Variants in EFNA5 observed in about 807,000 individuals in gnomAD.
The protein encoded by EFNA5 is ephrin-A5.
In EFNA5, 5 loss-of-function variants were observed where a neutral mutation model predicts 22.9. The ratio of observed to expected loss-of-function variants is 0.22; its 90% confidence interval spans 0.11 to 0.46. The LOEUF (loss-of-function observed/expected upper bound fraction) is 0.46. Ranked by LOEUF, EFNA5 falls within the 20% of genes least tolerant of loss-of-function variation. The probability of loss-of-function intolerance (pLI) is 0.99; values close to 1 mark genes in which losing one functional copy is unlikely to be tolerated. For missense variants in EFNA5, 237 were observed against 293.3 expected (o/e 0.81, Z 1.40); for synonymous variants, 113 against 112.2 (o/e 1.01, Z -0.04).
chr5:107,541,914 G>A (rs913868677), intron 1 of EFNA5, among the ~76,000 whole-genome samples: 3 of 152,082 alleles, frequency 2.0e-5, no homozygotes, highest in African/African-American at 7.2e-5. Context: ...GTAAATGTTT[G>A]GCAAACAGAC....
intron 1 of EFNA5, among the ~76,000 whole-genome samples, chr5:107,479,879 C>A (rs1750410561): frequency 6.6e-6 from 1 of 152,028 alleles, no homozygotes; most frequent in Non-Finnish European, 1.5e-5. Flanking sequence ...GCTACACTAT[C>A]TTAAAGTAAT....
intron 1 of EFNA5, among the ~76,000 whole-genome samples, chr5:107,442,180 CT>C (rs772932341): frequency 7.0e-6 from 1 of 141,906 alleles, no homozygotes; most frequent in African/African-American, 2.6e-5. Flanking sequence ...AAGAGATGGC[CT>C]TTTTTTTTCC....
chr5:107,587,388 G>A (rs1749211683), intron 1 of EFNA5, among the ~76,000 whole-genome samples: 1 of 152,104 alleles, frequency 6.6e-6, no homozygotes. Flanking sequence ...GAGGAAAAGT[G>A]GCAAGAAATA....
intron 2 of EFNA5, among the ~76,000 whole-genome samples, chr5:107,394,120 G>T (rs181498358): frequency 6.6e-6 from 1 of 152,312 alleles, no homozygotes; most frequent in African/African-American, 2.4e-5. Flanking sequence ...GTGTTATGAT[G>T]AAATACATCT....
chr5:107,533,324 T>C (rs79920271), intron 1 of EFNA5, among the ~76,000 whole-genome samples: 3 of 152,098 alleles, frequency 2.0e-5, no homozygotes, highest in South Asian at 2.1e-4. Flanking sequence ...AATTAAAACA[T>C]GTAATGAGCA....
chr5:107,621,533 T>G (rs547749601), intron 1 of EFNA5, among the ~76,000 whole-genome samples: 1 of 152,190 alleles, frequency 6.6e-6, no homozygotes, highest in Non-Finnish European at 1.5e-5. Flanking sequence ...AGGGAAGCCA[T>G]GGAACACAAA....
intron 1 of EFNA5, among the ~76,000 whole-genome samples, chr5:107,503,942 G>A (rs1451401831): frequency 6.6e-6 from 1 of 152,116 alleles, no homozygotes; most frequent in Admixed American, 6.5e-5. Flanking sequence ...ATTACAGCAT[G>A]CATTGAATTA....
Position 107,556,136 on chromosome 5 carries a change from C to T in EFNA5, c.125+114353G>A, listed in dbSNP as rs569582952. Among the ~76,000 whole-genome samples the T allele has an allele frequency of 8.5e-5, 13 of 152,280 alleles. No individual in the cohort carries two copies. The South Asian group carries it at 2.7e-3, about 32-fold the overall frequency. On this transcript the variant is annotated intron_variant, in intron 1 of 4. Transcript: ENST00000333274. ...TTGGCACAAAAGTATCCTAAACTGC[C>T]TTTGTGGATAAACATGCTATCCCCA...
intron 1 of EFNA5, among the ~76,000 whole-genome samples, chr5:107,578,345 G>A (rs557149317): frequency 1.3e-5 from 2 of 152,296 alleles, no homozygotes; most frequent in African/African-American, 2.4e-5. Flanking sequence ...TGGAAATTGA[G>A]AAATGTTGAT....
At chr5:107,419,251 C>A (rs1479894497) in intron 2 of EFNA5, among the ~76,000 whole-genome samples, 4 of 152,202 alleles carry the variant, frequency 2.6e-5, no homozygotes, top group African/African-American at 9.7e-5. Context: ...CTTTATTTAA[C>A]CTTCATTTAA....
At chr5:107,401,446 A>G (rs1271432856) in intron 2 of EFNA5, among the ~76,000 whole-genome samples, 2 of 152,356 alleles carry the variant, frequency 1.3e-5, no homozygotes, top group Middle Eastern at 3.4e-3. Context: ...ATTTCTATTC[A>G]TTAACCCCAG....
intron 1 of EFNA5, among the ~76,000 whole-genome samples, chr5:107,666,329 A>G (rs1751065854): frequency 6.6e-6 from 1 of 152,112 alleles, no homozygotes; most frequent in Admixed American, 6.5e-5. Flanking sequence ...GAAAAAAAAA[A>G]TGTTACTACT....
chr5:107,463,757 G>A (rs1417023578), intron 1 of EFNA5, among the ~76,000 whole-genome samples: 1 of 152,148 alleles, frequency 6.6e-6, no homozygotes, highest in African/African-American at 2.4e-5. Flanking sequence ...AAGAGTGAGT[G>A]AGCTTTTCTG....
chr5:107,623,164 A>T (rs928531346), intron 1 of EFNA5, among the ~76,000 whole-genome samples: 1 of 150,878 alleles, frequency 6.6e-6, no homozygotes, highest in Non-Finnish European at 1.5e-5. Flanking sequence ...CTTTTATTTC[A>T]TCTAGAGGTA....
intron 1 of EFNA5, among the ~76,000 whole-genome samples, chr5:107,526,252 T>C (rs1191718954): frequency 6.6e-6 from 1 of 152,246 alleles, no homozygotes; most frequent in East Asian, 1.9e-4. Context: ...ACATTGCTTC[T>C]TGCAATAACC....
intron 1 of EFNA5, among the ~76,000 whole-genome samples, chr5:107,563,800 C>T (rs1452681293): frequency 6.6e-6 from 1 of 152,134 alleles, no homozygotes; most frequent in African/African-American, 2.4e-5. Context: ...CTCTTGCTTG[C>T]ACTGTGGCAG....
intron 3 of EFNA5, 107 bp downstream of exon 3, chr5:107,387,599 C>A: frequency 2.6e-6 from 2 of 763,908 alleles, no homozygotes; most frequent in Non-Finnish European, 4.4e-6. Flanking sequence ...AAAACAGATA[C>A]CACACAAGAT....
At chr5:107,501,886 C>T (rs1021980513) in intron 1 of EFNA5, among the ~76,000 whole-genome samples, 1 of 152,148 alleles carries the variant, frequency 6.6e-6, no homozygotes, top group Non-Finnish European at 1.5e-5. Flanking sequence ...AAAAAGTAGT[C>T]GATCTAGAAT....
intron 2 of EFNA5, among the ~76,000 whole-genome samples, chr5:107,408,976 T>A (rs1748293374): frequency 6.6e-6 from 1 of 152,174 alleles, no homozygotes; most frequent in African/African-American, 2.4e-5. Flanking sequence ...GATGGAGTGG[T>A]AACACCAACT....
Sources: gnomAD v4.1 joint callset for allele counts (sites outside exome capture counted in the v4.1 genomes callset) on GRCh38, gnomAD v4.1.1 for gene constraint, MANE v1.5 for transcripts, NCBI Gene and HGNC (gene_info 2026-07-23, HGNC 2026-07-21) for gene names.